Variants in UBE2K observed in about 807,000 individuals in gnomAD.
UBE2K encodes the protein ubiquitin-conjugating enzyme E2 K.
In UBE2K, 6 loss-of-function variants were observed where a neutral mutation model predicts 30.0. The ratio of observed to expected loss-of-function variants is 0.20; its 90% CI spans 0.11 to 0.39. The LOEUF (loss-of-function observed/expected upper bound fraction) is 0.39. Ranked by LOEUF, UBE2K falls within the 10% of genes least tolerant of loss-of-function variation. UBE2K has a pLI of 1.00. For synonymous variants in UBE2K, 86 were observed against 83.7 expected (o/e 1.03, Z -0.15); for missense variants, 61 against 241.6 (o/e 0.25, Z 4.96).
At chr4:39,770,086 G>A (rs899200699) in intron 4 of UBE2K, 5 of 1,550,526 alleles carry the variant, frequency 3.2e-6, no homozygotes, top group East Asian at 2.3e-5. Context: ...CGCGGCTAGC[G>A]GATGAGGACA....
intron 1 of UBE2K, among the ~76,000 whole-genome samples, chr4:39,729,527 A>G (rs1719955373): frequency 6.6e-6 from 1 of 152,154 alleles, no homozygotes; most frequent in South Asian, 2.1e-4. Flanking sequence ...TTTAGATTTT[A>G]CTTCCTGTCT....
chr4:39,757,000 G>GTTTTTTTTTGTTTTTTT (rs1721551596), intron 4 of UBE2K, among the ~76,000 whole-genome samples: 2 of 94,338 alleles, frequency 2.1e-5, no homozygotes, highest in Non-Finnish European at 4.9e-5. Context: ...TTTTTTGGGT[G>GTTTTTTTTTGTTTTTTT]TTTTTTTTTT....
chr4:39,768,443 T>C (rs1712496292), intron 4 of UBE2K, among the ~76,000 whole-genome samples: 1 of 114,676 alleles, frequency 8.7e-6, no homozygotes. Flanking sequence ...TGAGACTTCG[T>C]TTCCAAAAAA....
intron 5 of UBE2K, among the ~76,000 whole-genome samples, chr4:39,776,023 C>T (rs1713265387): frequency 6.6e-6 from 1 of 152,150 alleles, no homozygotes; most frequent in African/African-American, 2.4e-5. Context: ...AGTACCTGTA[C>T]ATTGATAAAA....
intron 2 of UBE2K, among the ~76,000 whole-genome samples, chr4:39,738,503 T>A (rs1276149802): frequency 6.6e-6 from 1 of 152,188 alleles, no homozygotes; most frequent in Non-Finnish European, 1.5e-5. Context: ...TTATCTATTT[T>A]TTTATATGCA....
Position 39,778,557 on chromosome 4 carries a change from G to A in UBE2K, c.*123G>A. On this transcript the variant is annotated 3_prime_UTR_variant, in exon 7 of 7. Transcript: ENST00000261427. ...CATTCTTGCCTAATGATGTTATCTA[G>A]GCACCATTGGAGACTGAAAAAAAAA... The A allele has an allele frequency of 1.8e-6, 1 of 564,448 alleles. No individual in the cohort carries two copies. Among genetic ancestry groups the A allele is most frequent in the East Asian group, 3.0e-5 (1 of 33,086 alleles). 35.0% of individuals were successfully genotyped at this position (564,448 alleles called of 1,614,324 possible).
rs545728644 is a variant in UBE2K at position 39,698,753 on chromosome 4, T to C, written c.63+363T>C. 6.0e-5 allele frequency among the ~76,000 whole-genome samples: 9 copies of C among 150,360 alleles called. No homozygotes were observed. In the East Asian group the frequency reaches 1.8e-3, roughly 30 times the overall value. On this transcript the variant is annotated intron_variant, in intron 1 of 6. Coordinates refer to ENST00000261427, the MANE Select transcript of UBE2K (RefSeq NM_005339.5). The stretch of plus-strand genomic sequence containing the variant: ...GCCGAGCCTGAGAAAACCCGGGAAG[T>C]GGGTTGGGGGAAGGGGAAAGGTGGT...
chr4:39,763,020 C>T (rs549365577), intron 4 of UBE2K, among the ~76,000 whole-genome samples: 7 of 148,250 alleles, frequency 4.7e-5, no homozygotes, highest in Non-Finnish European at 8.9e-5. Context: ...CTGCAACCTC[C>T]ACCTCCCGGG....
At chr4:39,731,185 G>A (rs1164982501) in intron 1 of UBE2K, among the ~76,000 whole-genome samples, 8 of 151,794 alleles carry the variant, frequency 5.3e-5, no homozygotes, top group East Asian at 3.9e-4. Flanking sequence ...GAGCCACGGC[G>A]CCCGGCCATC....
chr4:39,749,792 G>A (rs184712731), intron 3 of UBE2K, among the ~76,000 whole-genome samples: 15 of 152,282 alleles, frequency 9.9e-5, no homozygotes, highest in African/African-American at 2.4e-4. Context: ...TTTAATGAGC[G>A]TATGCTCATC....
chr4:39,760,210 A>C (rs1262885704), intron 4 of UBE2K, among the ~76,000 whole-genome samples: 15 of 121,720 alleles, frequency 1.2e-4, no homozygotes, highest in Admixed American at 5.1e-4. Flanking sequence ...AAAAAAAAAA[A>C]CAAATAATGT....
At chr4:39,772,348 T>C (rs1395116697) in intron 4 of UBE2K, among the ~76,000 whole-genome samples, 1 of 146,334 alleles carries the variant, frequency 6.8e-6, no homozygotes, top group Non-Finnish European at 1.5e-5. Context: ...CTGCTTGAGC[T>C]CAGGAGTTCA....
intron 1 of UBE2K, among the ~76,000 whole-genome samples, chr4:39,708,723 A>G (rs555182615): frequency 6.2e-4 from 95 of 152,224 alleles, no homozygotes; most frequent in African/African-American, 2.2e-3. Context: ...CTATAAAATC[A>G]GGAAATTGAG....
intron 1 of UBE2K, among the ~76,000 whole-genome samples, chr4:39,709,886 C>A (rs920956372): frequency 6.6e-6 from 1 of 152,012 alleles, no homozygotes; most frequent in Non-Finnish European, 1.5e-5. Flanking sequence ...TTTCCTGAAA[C>A]TAGACCAAAG....
At chr4:39,742,576 A>T (rs996099203) in intron 2 of UBE2K, among the ~76,000 whole-genome samples, 7 of 151,122 alleles carry the variant, frequency 4.6e-5, no homozygotes, top group Non-Finnish European at 5.9e-5. Context: ...GTCTCTACTT[A>T]AAAAAAAATT....
intron 2 of UBE2K, among the ~76,000 whole-genome samples, chr4:39,740,533 T>G (rs1297992847): frequency 7.2e-6 from 1 of 138,858 alleles, no homozygotes; most frequent in East Asian, 2.2e-4. Flanking sequence ...ACAGCGAGAC[T>G]CTGTCCCAAA....
chr4:39,715,377 A>AC (rs1405608781), intron 1 of UBE2K, among the ~76,000 whole-genome samples: 1 of 151,718 alleles, frequency 6.6e-6, no homozygotes, highest in Admixed American at 6.6e-5. Context: ...TCCCTATGTT[A>AC]CCCAGGCTGA....
At position 39,714,517 on chromosome 4, in the gene UBE2K, CATATATATATATATATATATAT is replaced by C. The variant is rs71645182; in HGVS notation, c.63+16140_63+16161del. ...TGTCCTCCTTGTCTTTTAGAAGTTT[CATATATATATATATATATATAT>C]ATATATATATATTTTTTTTTTTTTT... On this transcript the variant is annotated intron_variant, in intron 1 of 6. Transcript: ENST00000261427. 4.8e-5 allele frequency: 2 copies of C among 41,620 alleles called. 1 individual carries two copies. Among genetic ancestry groups the C allele is most frequent in the South Asian group, 2.7e-3 (2 of 730 alleles). 2.6% of individuals were successfully genotyped at this position (41,620 alleles called of 1,614,324 possible).
rs143646174 is a variant in UBE2K at position 39,736,483 on chromosome 4, T to C, written c.64-937T>C. Reference sequence around the variant, plus strand: ...GTCTCAAAAAAAGGAAGATGTAACCTGTTCTTTAGGGATTTTGGTTTAAAA... The same window carrying C: ...GTCTCAAAAAAAGGAAGATGTAACCCGTTCTTTAGGGATTTTGGTTTAAAA... On this transcript the variant is annotated intron_variant, in intron 1 of 6. Coordinates refer to ENST00000261427, the MANE Select transcript of UBE2K (RefSeq NM_005339.5). 1.2e-4 allele frequency among the ~76,000 whole-genome samples: 18 copies of C among 152,256 alleles called. No individual in the cohort carries two copies. The East Asian group carries it at 3.5e-3, about 29-fold the overall frequency.
Sources: gnomAD v4.1 joint callset for allele counts (sites outside exome capture counted in the v4.1 genomes callset) on GRCh38, gnomAD v4.1.1 for gene constraint, MANE v1.5 for transcripts, NCBI Gene and HGNC (gene_info 2026-07-23, HGNC 2026-07-21) for gene names.